Variants in SLC12A2 observed in about 807,000 individuals in gnomAD.
SLC12A2 encodes the protein solute carrier family 12 member 2, also known as Na-K-2Cl cotransporter 1.
SLC12A2 carries 67 observed loss-of-function variants against 136.3 expected under a neutral mutation model. That is an observed-to-expected ratio of 0.49 (90% CI 0.40 to 0.60). The LOEUF is 0.60. Ranked by LOEUF, SLC12A2 falls within the 20% of genes least tolerant of loss-of-function variation. SLC12A2 has a pLI of 0.00. For synonymous variants in SLC12A2, 619 were observed against 562.9 expected, an observed-to-expected ratio of 1.10 and a Z score of -1.41; for missense variants, 1,322 against 1,534.7, an observed-to-expected ratio of 0.86 and a Z score of 2.32.
At chr5:128,152,683 G>C in intron 14 of SLC12A2, 23 bp from the exon 15 acceptor site, 1 of 1,432,146 alleles carries the variant, frequency 7.0e-7, no homozygotes, top group Non-Finnish European at 9.9e-7. Flanking sequence ...TGTTAATGCT[G>C]CATGAACATT....
chr5:128,112,458 A>G (rs1761185791), intron 1 of SLC12A2, among the ~76,000 whole-genome samples: 1 of 152,092 alleles, frequency 6.6e-6, no homozygotes, highest in Admixed American at 6.5e-5. Context: ...AGGTGATGTA[A>G]ATTTGTGGCT....
chr5:128,180,030 C>G (rs139771480), intron 22 of SLC12A2, among the ~76,000 whole-genome samples: 1 of 125,238 alleles, frequency 8.0e-6, no homozygotes, highest in Non-Finnish European at 1.6e-5. Context: ...AGTACAGTGG[C>G]GCAATCTCGG....
intron 26 of SLC12A2, among the ~76,000 whole-genome samples, chr5:128,186,206 TA>T (rs1388047940): frequency 1.3e-5 from 2 of 152,196 alleles, no homozygotes; most frequent in Non-Finnish European, 2.9e-5. Context: ...TCATATAGCC[TA>T]GATGTGTAGT....
intron 9 of SLC12A2, among the ~76,000 whole-genome samples, chr5:128,140,882 A>G (rs1057199663): frequency 6.6e-6 from 1 of 151,958 alleles, no homozygotes; most frequent in Non-Finnish European, 1.5e-5. Flanking sequence ...AAAAAATTGA[A>G]AAACAAAGAA....
chr5:128,161,760 A>G lies in SLC12A2; in HGVS notation c.2576A>G (p.His859Arg), dbSNP rs1763046998. 2 of 1,512,362 alleles carry G rather than the reference A, an allele frequency of 1.3e-6. No homozygotes were observed. Among genetic ancestry groups the G allele is most frequent in the East Asian group, 2.6e-5 (1 of 39,000 alleles). 93.7% of individuals were successfully genotyped at this position (1,512,362 alleles called of 1,614,324 possible). ...ATGAAGGCATTTTATGCTCCAGTAC[A>G]TGCAGATGACTTGAGAGAAGGTGCA... ...NKMKAFYAPV[H>R]ADDLREGAQY... Residue 859 changes from histidine to arginine, a missense_variant, in exon 17 of 27, where the codon CAT becomes CGT. Physicochemically the swap from His to Arg is conservative, Grantham distance 29. Transcript: ENST00000262461.
At chr5:128,109,410 G>A (rs562864444) in intron 1 of SLC12A2, 12 of 332,948 alleles carry the variant, frequency 3.6e-5, no homozygotes, top group South Asian at 2.6e-4. Flanking sequence ...TGCCCCTGCC[G>A]AAGCCTCGGC....
chr5:128,171,638 T>A (rs1763378403), intron 18 of SLC12A2, 29 bp from the exon 19 acceptor site: 6 of 1,483,084 alleles, frequency 4.0e-6, no homozygotes, highest in Non-Finnish European at 3.7e-6. Flanking sequence ...TTTTTTTGGT[T>A]TTTTCATTTT....
chr5:128,087,275 G>A (rs897961660), intron 1 of SLC12A2, among the ~76,000 whole-genome samples: 83 of 152,220 alleles, frequency 5.5e-4, no homozygotes, highest in African/African-American at 2.0e-3. Context: ...TATCTTAGAT[G>A]TTGACAACAT....
At chr5:128,099,195 TA>T (rs1415816682) in intron 1 of SLC12A2, among the ~76,000 whole-genome samples, 1 of 152,174 alleles carries the variant, frequency 6.6e-6, no homozygotes, top group African/African-American at 2.4e-5. Flanking sequence ...CTAGAGAGCA[TA>T]TTCCACTACA....
chr5:128,121,797 A>G (rs1761591626), intron 4 of SLC12A2, among the ~76,000 whole-genome samples: 1 of 152,138 alleles, frequency 6.6e-6, no homozygotes, highest in Non-Finnish European at 1.5e-5. Flanking sequence ...GGCTACAGGG[A>G]TTTTAGAGCC....
chr5:128,106,311 A>G (rs1561659971), intron 1 of SLC12A2, among the ~76,000 whole-genome samples: 1 of 152,210 alleles, frequency 6.6e-6, no homozygotes, highest in Non-Finnish European at 1.5e-5. Context: ...TTGTATCAGC[A>G]TAATTTATAG....
intron 20 of SLC12A2, among the ~76,000 whole-genome samples, chr5:128,176,743 T>A (rs1219796447): frequency 2.0e-5 from 3 of 152,062 alleles, no homozygotes; most frequent in African/African-American, 7.2e-5. Flanking sequence ...TTATGTATTA[T>A]CTGCAATATC....
chr5:128,161,272 AAC>A (rs1262159343), intron 16 of SLC12A2, among the ~76,000 whole-genome samples: 69 of 152,342 alleles, frequency 4.5e-4, no homozygotes, highest in African/African-American at 1.0e-3. Flanking sequence ...TAGAATTAAT[AAC>A]ACAGACATTT....
chr5:128,110,554 T>G (rs922000401), intron 1 of SLC12A2: 2 of 1,288,362 alleles, frequency 1.6e-6, no homozygotes, highest in African/African-American at 1.5e-5. Context: ...CATTTCATTT[T>G]TTGATTTCTT....
Position 128,165,928 on chromosome 5 carries a change from C to A in SLC12A2, c.2617-1833C>A, listed in dbSNP as rs1007967587. ...TGGTTTTCTTTTACCTCCCCCCCCCCCCCCCAGTTAAAAATATGCTGTGTG... is the reference window on the plus strand; with the variant it reads ...TGGTTTTCTTTTACCTCCCCCCCCCACCCCCAGTTAAAAATATGCTGTGTG... On this transcript the variant is annotated intron_variant, in intron 17 of 26. Coordinates refer to ENST00000262461, the MANE Select transcript of SLC12A2 (RefSeq NM_001046.3). 8.9e-5 allele frequency among the ~76,000 whole-genome samples: 13 copies of A among 145,744 alleles called. No homozygotes were observed. In the South Asian group the frequency reaches 2.4e-3, roughly 26 times the overall value.
At chr5:128,088,263 T>G (rs1760177961) in intron 1 of SLC12A2, among the ~76,000 whole-genome samples, 1 of 151,976 alleles carries the variant, frequency 6.6e-6, no homozygotes, top group Admixed American at 6.6e-5. Flanking sequence ...AGAGCAGTGT[T>G]GGGGGAAGCT....
chr5:128,182,827 A>G (rs538541768), intron 23 of SLC12A2, 28 bp from the exon 24 acceptor site: 45 of 1,506,896 alleles, frequency 3.0e-5, no homozygotes, highest in African/African-American at 1.7e-4. Flanking sequence ...AAATACTTGT[A>G]TCTTAATTCT....
At chr5:128,158,025 TTTTG>T (rs949878105) in intron 15 of SLC12A2, 24 bp from the exon 16 acceptor site, 10 of 1,557,376 alleles carry the variant, frequency 6.4e-6, no homozygotes, top group East Asian at 4.5e-5. Context: ...ATTTATCTAA[TTTTG>T]TTTGTCTTTT....
chr5:128,171,693 T>C lies in SLC12A2; in HGVS notation c.2750T>C (p.Val917Ala), dbSNP rs1205495317. The C allele has an allele frequency of 6.3e-7, 1 of 1,588,254 alleles. No individual in the cohort carries two copies. The highest frequency in any genetic ancestry group is 2.3e-5 in the East Asian group (1 of 44,192). ...GATGCTTTTGACATACAATATGGAG[T>C]AGTGGTTATTCGCCTAAAAGAAGGT... ...FHDAFDIQYG[V>A]VVIRLKEGLD... is the part of the protein sequence containing the mutation. Residue 917 changes from valine to alanine, a missense_variant, in exon 19 of 27, where the codon GTA (valine) becomes GCA (alanine). By Grantham distance (64) the Val-to-Ala change is moderately conservative (BLOSUM62 0). Transcript: ENST00000262461.
Sources: allele counts gnomAD v4.1 joint callset (sites outside exome capture counted in the v4.1 genomes callset), GRCh38; gene constraint gnomAD v4.1.1; transcripts MANE v1.5; gene names NCBI Gene and HGNC (gene_info 2026-07-23, HGNC 2026-07-21).